ZNF658: variants seen among roughly 807,000 people sequenced by gnomAD.
ZNF658 encodes zinc finger protein 658.
A neutral mutation model predicts 78.0 loss-of-function variants in ZNF658; 46 were observed. The observed-to-expected ratio is 0.59, with a 90% CI of 0.47 to 0.75. The LOEUF (loss-of-function observed/expected upper bound fraction) is 0.75, where lower values mean the gene tolerates loss of function less well. Among genes scored for constraint, ZNF658 ranks in the 30% least tolerant of loss-of-function variants. The pLI is 0.00. For missense variants in ZNF658, 785 were observed against 1,189.3 expected (o/e 0.66, Z 5.00); for synonymous variants, 279 against 408.4 (o/e 0.68, Z 3.82).
downstream of ZNF658, among the ~76,000 whole-genome samples, chr9:66,926,025 A>T (rs1236880302): frequency 2.2e-5 from 3 of 136,462 alleles, no homozygotes; most frequent in African/African-American, 7.8e-5. Context: ...ATAATTTGAT[A>T]AAATTTGACA....
At chr9:66,911,276 C>T (rs1822209312) in intron 4 of ZNF658, among the ~76,000 whole-genome samples, 1 of 101,312 alleles carries the variant, frequency 9.9e-6, no homozygotes, top group Non-Finnish European at 2.0e-5. Context: ...TTAGAATAAA[C>T]ACAAACAGTA....
At chr9:66,922,292 T>G (rs1822539054), downstream of ZNF658, among the ~76,000 whole-genome samples, 2 of 152,214 alleles carry the variant, frequency 1.3e-5, no homozygotes, top group South Asian at 4.1e-4. Context: ...TGGCCCCTTC[T>G]GCTTCCCGGG....
Position 66,920,980 on chromosome 9 carries a change from C to A in ZNF658, c.*234C>A. Reference sequence around the variant, plus strand: ...AAAAACCCTCACAGTCTTCCTGGTTCATAAGATGGATTTGGAGGTTATTTC... The same window carrying A: ...AAAAACCCTCACAGTCTTCCTGGTTAATAAGATGGATTTGGAGGTTATTTC... On this transcript the variant is annotated 3_prime_UTR_variant, in exon 5 of 5. Coordinates refer to ENST00000621410, the MANE Select transcript of ZNF658 (RefSeq NM_033160.7). 3 of 583,274 alleles carry A rather than the reference C, an allele frequency of 5.1e-6. No individual in the cohort carries two copies. In the South Asian group the frequency reaches 6.4e-5, roughly 12 times the overall value. 36.1% of individuals were successfully genotyped at this position (583,274 alleles called of 1,614,324 possible).
chr9:66,909,713 C>T (rs1822168625), intron 4 of ZNF658, among the ~76,000 whole-genome samples: 1 of 152,196 alleles, frequency 6.6e-6, no homozygotes, highest in South Asian at 2.1e-4. Flanking sequence ...TCTCCACATC[C>T]TCACCAGTGC....
chr9:66,908,333 G>A lies in ZNF658; in HGVS notation c.111G>A (p.Met37Ile). 6.2e-7 allele frequency: 1 copy of A among 1,614,138 alleles called. No homozygotes were observed. The highest frequency in any genetic ancestry group is 2.2e-5 in the East Asian group (1 of 44,878). ...AGAGGACGCTGTACAGAGATGTGAT[G>A]CTGGAGAACTACAGCCACCTCATCT... is the stretch of plus-strand genomic sequence containing the variant. ...PVERTLYRDV[M>I]LENYSHLISV... is the part of the protein sequence containing the mutation. The change falls in exon 3 of 5, where the codon ATG becomes ATA. Residue 37 changes from methionine (M) to isoleucine (I), a missense_variant. Coordinates refer to ENST00000621410, the MANE Select transcript of ZNF658 (RefSeq NM_033160.7).
intron 4 of ZNF658, among the ~76,000 whole-genome samples, chr9:66,911,529 T>A: frequency 1.8e-5 from 2 of 109,214 alleles, no homozygotes; most frequent in East Asian, 2.5e-4. Context: ...AATACAATAG[T>A]GAAAACAGAA....
intron 4 of ZNF658, among the ~76,000 whole-genome samples, chr9:66,915,387 C>G (rs1822311592): frequency 7.2e-6 from 1 of 139,552 alleles, no homozygotes; most frequent in Admixed American, 7.4e-5. Flanking sequence ...AGTTAGTTTG[C>G]TTTTATAGTT....
chr9:66,926,835 A>AG (rs949392711), intron 6 of ZNF658, among the ~76,000 whole-genome samples: 2 of 139,650 alleles, frequency 1.4e-5, no homozygotes, highest in Non-Finnish European at 3.1e-5. Context: ...TTAAAATAGT[A>AG]TGTTAACAGC....
At chr9:66,906,744 C>T (rs112626682) in intron 2 of ZNF658, among the ~76,000 whole-genome samples, 35,429 of 145,106 alleles carry the variant, frequency 0.24, 5,388 homozygotes, top group Non-Finnish European at 0.34. Context: ...AAGCTAATGC[C>T]GAGTGGGAGT....
chr9:66,932,023 AG>A (rs1306064354), intron 6 of ZNF658: 3 of 129,382 alleles, frequency 2.3e-5, no homozygotes, highest in African/African-American at 5.8e-5. Context: ...CATTTCCCTC[AG>A]GGCTCAATGA....
chr9:66,925,308 A>C (rs1053432740), downstream of ZNF658, among the ~76,000 whole-genome samples: 1 of 151,852 alleles, frequency 6.6e-6, no homozygotes, highest in East Asian at 1.9e-4. Flanking sequence ...ACACACAAGG[A>C]CCAAGGGGGC....
chr9:66,926,421 A>G (rs1822586671), downstream of ZNF658, among the ~76,000 whole-genome samples: 1 of 152,014 alleles, frequency 6.6e-6, no homozygotes, highest in Non-Finnish European at 1.5e-5. Flanking sequence ...GCATTTCTAT[A>G]CACCAAAAAT....
intron 2 of ZNF658, among the ~76,000 whole-genome samples, chr9:66,907,449 A>T (rs1822105455): frequency 1.3e-5 from 2 of 151,978 alleles, no homozygotes; most frequent in African/African-American, 2.4e-5. Context: ...ATAGCTCAAA[A>T]ACTATTCCTC....
At position 66,918,113 on chromosome 9, in the gene ZNF658, C is replaced by T. The variant is rs1822382716; in HGVS notation, c.547C>T (p.His183Tyr). The T allele has an allele frequency of 6.3e-7, 1 of 1,593,324 alleles. No individual in the cohort carries two copies. Among genetic ancestry groups the T allele is most frequent in the South Asian group, 1.2e-5 (1 of 86,830 alleles). Residue 183 changes from histidine (H) to tyrosine (Y), a missense_variant, in exon 5 of 5, where the codon CAT (histidine) becomes TAT (tyrosine). This residue lies in a region of ZNF658 where 393 missense variants were observed against 400.2 expected (regional missense o/e 0.98). Transcript: ENST00000621410. ...GCTTGATATTAAGCATGAGAAAGCT[C>T]ATGCTGAAGAGAAATCTTATGAACA... ...LQLDIKHEKA[H>Y]AEEKSYEHGE...
intron 6 of ZNF658, among the ~76,000 whole-genome samples, chr9:66,929,876 C>T (rs1343502537): frequency 2.5e-4 from 34 of 134,118 alleles, no homozygotes; most frequent in African/African-American, 7.3e-4. Context: ...CTTCGCCTCC[C>T]GGGTTCAAGC....
intron 6 of ZNF658, among the ~76,000 whole-genome samples, chr9:66,927,495 C>T (rs919966267): frequency 1.3e-5 from 2 of 151,486 alleles, no homozygotes; most frequent in African/African-American, 4.8e-5. Flanking sequence ...AATAATCCCA[C>T]TTCTGGGTAT....
chr9:66,901,952 A>G (rs1821962162), intron 1 of ZNF658, among the ~76,000 whole-genome samples: 1 of 152,132 alleles, frequency 6.6e-6, no homozygotes, highest in South Asian at 2.1e-4. Context: ...AAAAAAGAAA[A>G]AAAAGTTTAG....
chr9:66,917,295 A>G (rs1005010282), intron 4 of ZNF658, among the ~76,000 whole-genome samples: 1 of 146,428 alleles, frequency 6.8e-6, no homozygotes, highest in Non-Finnish European at 1.5e-5. Context: ...TTACTACTCC[A>G]CCTTGACTGG....
rs1400612041 is a variant in ZNF658, at chr9:66,908,219, G to T, written c.16-19G>T. 6.2e-7 allele frequency: 1 copy of T among 1,613,702 alleles called. No homozygotes were observed. Among genetic ancestry groups the T allele is most frequent in the Non-Finnish European group, 8.5e-7 (1 of 1,179,864 alleles). ...TGAACAAACCATTGTTATATTTGTT[G>T]TGATAAATGTTGTTACAGGCATCAG... On this transcript the variant is annotated intron_variant, in intron 2 of 4. Transcript: ENST00000621410.
Sources: gnomAD v4.1 joint callset for allele counts (sites outside exome capture counted in the v4.1 genomes callset) on GRCh38, gnomAD v4.1.1 for gene constraint, gnomAD v4.1.1 regional missense constraint, MANE v1.5 for transcripts, NCBI Gene and HGNC (gene_info 2026-07-23, HGNC 2026-07-21) for gene names.